Variants in FKBP11 observed in about 807,000 individuals in gnomAD.
The protein encoded by FKBP11 is FKBP prolyl isomerase 11.
FKBP11 carries 21 observed loss-of-function variants against 24.7 expected under a neutral mutation model. The observed-to-expected ratio is 0.85, with a 90% confidence interval of 0.60 to 1.23. The LOEUF (loss-of-function observed/expected upper bound fraction) is 1.23. Ranked by LOEUF, FKBP11 falls within the 50% of genes most tolerant of loss-of-function variation. FKBP11 has a pLI of 0.00. For missense variants in FKBP11, 245 were observed against 248.7 expected (o/e 0.99, Z 0.10); for synonymous variants, 106 against 100.6 (o/e 1.05, Z -0.32).
At chr12:48,924,959 C>T (rs968739304) in intron 2 of FKBP11, 87 bp downstream of exon 2, 6 of 1,497,354 alleles carry the variant, frequency 4.0e-6, no homozygotes, top group African/African-American at 1.4e-5. Flanking sequence ...TCCCGAACCG[C>T]TTGCCACGTG....
At chr12:48,932,227 T>TTATATTTATATTTATATATATA in the FKBP11 span, among the ~76,000 whole-genome samples, 1 of 37,742 alleles carries the variant, frequency 2.6e-5, no homozygotes, top group Non-Finnish European at 4.5e-5. Flanking sequence ...AAACATATAT[T>TTATATTTATATTTATATATATA]TATATATATA....
chr12:48,936,783 A>AT, the FKBP11 span: 1 of 152,270 alleles, frequency 6.6e-6, no homozygotes, highest in Non-Finnish European at 1.5e-5. Flanking sequence ...AGAGTGGAAA[A>AT]TCCTAAGTAG....
At chr12:48,933,387 TCA>T in the FKBP11 span, among the ~76,000 whole-genome samples, 8 of 152,180 alleles carry the variant, frequency 5.3e-5, no homozygotes, top group Non-Finnish European at 5.9e-5. Flanking sequence ...TCTCCTACCT[TCA>T]CACTCTTCAG....
At chr12:48,938,858 T>A in the FKBP11 span, 1 of 1,522,196 alleles carries the variant, frequency 6.6e-7, no homozygotes, top group Non-Finnish European at 8.9e-7. Context: ...CTGGCCACAC[T>A]TGCATGGAGA....
chr12:48,923,625 A>G, intron 5 of FKBP11, 157 bp downstream of exon 5: 1 of 1,556,456 alleles, frequency 6.4e-7, no homozygotes. Flanking sequence ...TATGAGGAGG[A>G]AAAAGGTGGC....
At chr12:48,938,857 C>T in the FKBP11 span, 1 of 1,520,766 alleles carries the variant, frequency 6.6e-7, no homozygotes, top group Non-Finnish European at 8.9e-7. Context: ...CCTGGCCACA[C>T]TTGCATGGAG....
At chr12:48,934,430 T>A in the FKBP11 span, among the ~76,000 whole-genome samples, 1 of 152,174 alleles carries the variant, frequency 6.6e-6, no homozygotes, top group Non-Finnish European at 1.5e-5. Context: ...TTGCTGTTTG[T>A]CCTAAGAGCT....
chr12:48,932,263 T>TATATATATATATA, the FKBP11 span, among the ~76,000 whole-genome samples: 1 of 25,074 alleles, frequency 4.0e-5, no homozygotes, highest in Non-Finnish European at 6.7e-5. Context: ...ATATATATAT[T>TATATATATATATA]TTTTTTTTTT....
At chr12:48,926,400 T>C (rs2137560487), upstream of FKBP11, 1 of 151,394 alleles carries the variant, frequency 6.6e-6, no homozygotes, top group East Asian at 2.0e-4. Flanking sequence ...AATTTTTGTA[T>C]TTTTAGTAGA....
rs1939877455 is a variant in FKBP11 at position 48,923,280 on chromosome 12, T to TA, written c.388+501dup. ...TCTGTCCATCTCAACCCTTCAAAAA[T>TA]AGACATCGGCAGTGACCAATGATGG... On this transcript the variant is annotated intron_variant, in intron 5 of 5. Coordinates refer to ENST00000550765, the MANE Select transcript of FKBP11 (RefSeq NM_016594.3). 4 of 1,391,666 alleles carry TA rather than the reference T, an allele frequency of 2.9e-6. No homozygotes were observed. In the South Asian group the frequency reaches 6.6e-5, roughly 23 times the overall value. 86.2% of individuals were successfully genotyped at this position (1,391,666 alleles called of 1,614,324 possible).
At position 48,924,668 on chromosome 12, in the gene FKBP11, A is replaced by G. The variant is rs560524336; in HGVS notation, c.196-20T>C. 9.1e-5 allele frequency: 146 copies of G among 1,609,918 alleles called. No individual in the cohort carries two copies. In the South Asian group the frequency reaches 1.5e-3, roughly 16 times the overall value. Reference sequence around the variant, plus strand: ...GCTTCCCTGGGGGGAGAGAGCATCAAGAGCATACATCTAGCACCCTCTCCC... The same window carrying G: ...GCTTCCCTGGGGGGAGAGAGCATCAGGAGCATACATCTAGCACCCTCTCCC... On this transcript the variant is annotated intron_variant, in intron 2 of 5. Coordinates refer to ENST00000550765, the MANE Select transcript of FKBP11 (RefSeq NM_016594.3).
At position 48,923,770 on chromosome 12, in the gene FKBP11, T is replaced by C. The variant is rs376578397; in HGVS notation, c.388+12A>G. ...ATTTTGATGGCCTGAGAGAGAGTCC[T>C]AGTCAGATTACCTGGGACAGATGGT... On this transcript the variant is annotated intron_variant, in intron 5 of 5. Coordinates refer to ENST00000550765, the MANE Select transcript of FKBP11 (RefSeq NM_016594.3). The C allele has an allele frequency of 4.5e-5, 73 of 1,612,162 alleles. 1 individual carries two copies. The highest frequency in any genetic ancestry group is 5.9e-5 in the Non-Finnish European group (69 of 1,178,348).
intron 5 of FKBP11, chr12:48,923,562 C>T: frequency 1.3e-6 from 2 of 1,551,660 alleles, no homozygotes; most frequent in Non-Finnish European, 1.7e-6. Flanking sequence ...TTACTGGCTG[C>T]TGGAGGTCAT....
chr12:48,922,042 G>A lies in FKBP11; in HGVS notation c.548C>T (p.Pro183Leu), dbSNP rs1282723254. 9.3e-6 allele frequency: 15 copies of A among 1,613,236 alleles called. No individual in the cohort carries two copies. Among genetic ancestry groups the A allele is most frequent in the Non-Finnish European group, 1.2e-5 (14 of 1,179,592 alleles). The change falls in exon 6 of 6, where the codon CCC becomes CTC. Residue 183 changes from proline to leucine, a missense_variant. Pro to Leu is a moderately conservative substitution (Grantham distance 98). Transcript: ENST00000550765. ...GYHLYRKANR[P>L]KVSKKKLKEE... ...CTTGAGCTTCTTTTTGGAGACTTTG[G>A]GTCTATTGGCCTTTCTGTATAGGTG...
chr12:48,925,135 C>A (rs761377194), intron 1 of FKBP11, 24 bp from the exon 2 acceptor site: 1 of 1,611,340 alleles, frequency 6.2e-7, no homozygotes, highest in Non-Finnish European at 8.5e-7. Flanking sequence ...ACAGGGGTCA[C>A]GGATGCTCTT....
chr12:48,922,719 A>C, intron 5 of FKBP11: 1 of 994,506 alleles, frequency 1.0e-6, no homozygotes, highest in Non-Finnish European at 1.2e-6. Flanking sequence ...GGCAGGTGGA[A>C]CAGAAATGAG....
the FKBP11 span, among the ~76,000 whole-genome samples, chr12:48,932,171 AT>A: frequency 2.2e-5 from 3 of 138,562 alleles, no homozygotes; most frequent in South Asian, 2.2e-4. Context: ...AAGTAAAAAT[AT>A]ATATATATAT....
At chr12:48,928,359 T>C (rs1452654595), upstream of FKBP11, among the ~76,000 whole-genome samples, 1 of 151,578 alleles carries the variant, frequency 6.6e-6, no homozygotes, top group East Asian at 1.9e-4. Flanking sequence ...TTTTTTTTTT[T>C]CTTTTGACCG....
chr12:48,922,007 G>T lies in FKBP11; in HGVS notation c.583C>A (p.Arg195=). The change falls in exon 6 of 6, where the codon CGA becomes AGA. Residue 195 remains arginine, a synonymous_variant. Transcript: ENST00000550765. ...VSKKKLKEEK[R]NKSKKK is the part of the protein sequence containing the mutation. ...TATTATTTCTTTTTGCTCTTGTTTC[G>T]TTTCTCTTCCTTGAGCTTCTTTTTG... 1.2e-6 allele frequency: 2 copies of T among 1,600,966 alleles called. No homozygotes were observed. The highest frequency in any genetic ancestry group is 8.5e-7 in the Non-Finnish European group (1 of 1,174,538).
Sources: allele counts gnomAD v4.1 joint callset (sites outside exome capture counted in the v4.1 genomes callset), GRCh38; gene constraint gnomAD v4.1.1; transcripts MANE v1.5; gene names NCBI Gene and HGNC (gene_info 2026-07-23, HGNC 2026-07-21).